Variants in SESTD1 observed in about 807,000 individuals in gnomAD.
The protein encoded by SESTD1 is SEC14 domain and spectrin repeat-containing protein 1.
SESTD1 carries 43 observed loss-of-function variants against 101.7 expected under a neutral mutation model. That is an observed-to-expected ratio of 0.42 (90% CI 0.33 to 0.55). The LOEUF is 0.55. SESTD1 is among the 20% of genes least tolerant of loss of function. The pLI, the probability that SESTD1 is intolerant of heterozygous loss-of-function variation, is 0.07. For synonymous variants in SESTD1, 283 were observed against 286.8 expected, an observed-to-expected ratio of 0.99 and a Z score of 0.13; for missense variants, 647 against 815.1, an observed-to-expected ratio of 0.79 and a Z score of 2.51.
Position 179,215,104 on chromosome 2 carries a change from C to A in SESTD1, c.-25-23238G>T, listed in dbSNP as rs2046702227. On this transcript the variant is annotated intron_variant, in intron 1 of 17. Transcript: ENST00000428443. Reference sequence around the variant, plus strand: ...CTAGAGATGCAAGAGCAAACACATTCAAAAGCTAGCAGAAGGCAAGAAATA... The same window carrying A: ...CTAGAGATGCAAGAGCAAACACATTAAAAAGCTAGCAGAAGGCAAGAAATA... Among the ~76,000 whole-genome samples, 2 of 134,280 alleles carry A rather than the reference C, an allele frequency of 1.5e-5. 1 individual carries two copies. The highest frequency in any genetic ancestry group is 3.2e-5 in the Non-Finnish European group (2 of 62,700). 88.1% of individuals were successfully genotyped at this position (134,280 alleles called of 152,430 possible).
rs1345284325 is a variant in SESTD1 at position 179,123,825 on chromosome 2, G to C, written c.1172C>G (p.Ser391Cys). The C allele has an allele frequency of 1.9e-6, 3 of 1,611,996 alleles. No individual in the cohort carries two copies. Among genetic ancestry groups the C allele is most frequent in the Non-Finnish European group, 1.7e-6 (2 of 1,178,276 alleles). ...LEFHGVAQDLSQQLDGLLGML... is the reference protein window; with the variant it reads ...LEFHGVAQDLCQQLDGLLGML... ...CCCTAATAAGCCATCCAACTGCTGA[G>C]ACAACTAAAGCAGAGGGACACCAAA... The change falls in exon 12 of 18, where the codon TCT becomes TGT. Residue 391 changes from serine (S) to cysteine (C), a missense_variant. By Grantham distance (112) the Ser-to-Cys change is moderately radical. Coordinates refer to ENST00000428443, the MANE Select transcript of SESTD1 (RefSeq NM_178123.5).
In SESTD1 at chr2:179,192,490, T is replaced by C. The variant is rs536217295; in HGVS notation, c.-25-624A>G. Among the ~76,000 whole-genome samples, 169 of 152,320 alleles carry C rather than the reference T, an allele frequency of 1.1e-3. 2 individuals carry two copies. Among genetic ancestry groups the C allele is most frequent in the Admixed American group, 2.8e-3 (43 of 15,290 alleles). ...TAACTGCCTCCATCTCTCTACATTTTACAGTTTTTAATTTTCCAGGGAAAA... is the reference window on the plus strand; with the variant it reads ...TAACTGCCTCCATCTCTCTACATTTCACAGTTTTTAATTTTCCAGGGAAAA... On this transcript the variant is annotated intron_variant, in intron 1 of 17. Transcript: ENST00000428443.
At chr2:179,201,663 T>A (rs1277495625) in intron 1 of SESTD1, among the ~76,000 whole-genome samples, 1 of 122,016 alleles carries the variant, frequency 8.2e-6, no homozygotes, top group Non-Finnish European at 1.7e-5. Context: ...CTCAGTAAAC[T>A]ATCGCAAGAA....
intron 5 of SESTD1, among the ~76,000 whole-genome samples, chr2:179,165,412 A>G (rs1435774844): frequency 1.3e-5 from 2 of 152,212 alleles, no homozygotes; most frequent in African/African-American, 4.8e-5. Context: ...GCAGATGCCT[A>G]TTTAGTTTAA....
At chr2:179,120,562 G>GTGT (rs1310981427) in intron 13 of SESTD1, among the ~76,000 whole-genome samples, 1 of 152,222 alleles carries the variant, frequency 6.6e-6, no homozygotes, top group Non-Finnish European at 1.5e-5. Flanking sequence ...GATCATAAAT[G>GTGT]TGTTTTCAAG....
chr2:179,163,489 T>C (rs559661588), intron 5 of SESTD1, among the ~76,000 whole-genome samples: 1 of 151,312 alleles, frequency 6.6e-6, no homozygotes, highest in African/African-American at 2.4e-5. Flanking sequence ...CTCAAATCTA[T>C]CCTCACATTA....
chr2:179,182,912 A>AT (rs1340623128), intron 3 of SESTD1, among the ~76,000 whole-genome samples, 168 bp downstream of exon 3: 1 of 151,696 alleles, frequency 6.6e-6, no homozygotes. Flanking sequence ...TAAAATAAGC[A>AT]TTTTATCTGC....
intron 1 of SESTD1, among the ~76,000 whole-genome samples, chr2:179,205,014 C>A (rs1238528488): frequency 7.4e-6 from 1 of 134,330 alleles, no homozygotes; most frequent in Non-Finnish European, 1.6e-5. Context: ...CCTTTAATTC[C>A]TTCCTATTTT....
chr2:179,217,598 A>T (rs1252034909), intron 1 of SESTD1, among the ~76,000 whole-genome samples: 1 of 152,190 alleles, frequency 6.6e-6, no homozygotes. Context: ...AACTAGAAAT[A>T]CCATCTGACC....
chr2:179,226,281 T>C (rs1413387232), intron 1 of SESTD1, among the ~76,000 whole-genome samples: 1 of 152,182 alleles, frequency 6.6e-6, no homozygotes, highest in Non-Finnish European at 1.5e-5. Flanking sequence ...GGACCCCATT[T>C]AAGACTGCTG....
chr2:179,113,617 T>C (rs1267847699), intron 16 of SESTD1, among the ~76,000 whole-genome samples: 1 of 152,222 alleles, frequency 6.6e-6, no homozygotes. Context: ...ACGGACATTT[T>C]TGTATTTTAA....
chr2:179,133,813 A>C (rs946583172), intron 9 of SESTD1, among the ~76,000 whole-genome samples: 1 of 152,206 alleles, frequency 6.6e-6, no homozygotes, highest in Non-Finnish European at 1.5e-5. Context: ...CCACATCATA[A>C]AGAAAAATCA....
chr2:179,167,676 T>C (rs962213810), intron 5 of SESTD1, among the ~76,000 whole-genome samples: 5 of 152,180 alleles, frequency 3.3e-5, no homozygotes, highest in African/African-American at 2.4e-5. Flanking sequence ...GGACCAAAGA[T>C]ATAAATAACA....
chr2:179,231,414 T>G (rs76606442), intron 1 of SESTD1, among the ~76,000 whole-genome samples: 4 of 151,518 alleles, frequency 2.6e-5, no homozygotes, highest in African/African-American at 4.8e-5. Flanking sequence ...ACATAATAGA[T>G]AGTATAAACT....
intron 1 of SESTD1, among the ~76,000 whole-genome samples, chr2:179,196,314 G>A (rs932290606): frequency 7.9e-5 from 12 of 152,210 alleles, no homozygotes; most frequent in African/African-American, 2.2e-4. Context: ...CTACACCCAC[G>A]GAGTCTCGCT....
At chr2:179,185,519 A>C (rs1207656383) in intron 2 of SESTD1, among the ~76,000 whole-genome samples, 1 of 137,650 alleles carries the variant, frequency 7.3e-6, no homozygotes, top group East Asian at 2.1e-4. Context: ...ATTGTATATT[A>C]TATATTGTAT....
chr2:179,251,488 A>G (rs970802020), intron 1 of SESTD1, among the ~76,000 whole-genome samples: 1 of 152,196 alleles, frequency 6.6e-6, no homozygotes, highest in Admixed American at 6.5e-5. Flanking sequence ...TCTAATCCAG[A>G]CCTGTCCTTG....
At chr2:179,230,712 G>A (rs1170704298) in intron 1 of SESTD1, among the ~76,000 whole-genome samples, 2 of 151,844 alleles carry the variant, frequency 1.3e-5, no homozygotes, top group Non-Finnish European at 1.5e-5. Context: ...AATTATATGA[G>A]TAACTGAAGT....
At chr2:179,136,262 C>A (rs949909904) in intron 9 of SESTD1, among the ~76,000 whole-genome samples, 6 of 152,178 alleles carry the variant, frequency 3.9e-5, no homozygotes, top group Non-Finnish European at 7.3e-5. Context: ...TGTAAGACAG[C>A]ACATTAATGA....
Sources: allele counts gnomAD v4.1 joint callset (sites outside exome capture counted in the v4.1 genomes callset), GRCh38; gene constraint gnomAD v4.1.1; transcripts MANE v1.5; gene names NCBI Gene and HGNC (gene_info 2026-07-23, HGNC 2026-07-21).